USP10: variants seen among roughly 807,000 people sequenced by gnomAD.
The protein encoded by USP10 is ubiquitin carboxyl-terminal hydrolase 10.
Under a neutral mutation model 84.5 loss-of-function variants are expected in USP10, and 22 were observed. The observed-to-expected ratio is 0.26, with a 90% CI of 0.19 to 0.37. USP10 has a LOEUF of 0.37. Among genes scored for constraint, USP10 ranks in the 10% least tolerant of loss-of-function variants. The pLI is 1.00. For synonymous variants in USP10, 454 were observed against 387.6 expected (o/e 1.17, Z -2.01); for missense variants, 1,019 against 998.9 (o/e 1.02, Z -0.27).
At chr16:84,757,109 C>G (rs1912632851) in intron 4 of USP10, among the ~76,000 whole-genome samples, 1 of 152,094 alleles carries the variant, frequency 6.6e-6, no homozygotes, top group South Asian at 2.1e-4. Flanking sequence ...CACAAAGCTT[C>G]TAGCACAGTG....
Position 84,744,713 on chromosome 16 carries a change from A to T in USP10, c.232A>T (p.Ser78Cys), listed in dbSNP as rs1911002768. 1 of 1,613,626 alleles carries T rather than the reference A, an allele frequency of 6.2e-7. No individual in the cohort carries two copies. The highest frequency in any genetic ancestry group is 1.1e-5 in the South Asian group (1 of 91,068). The change falls in exon 4 of 14, where the codon AGT becomes TGT. Residue 78 changes from serine (S) to cysteine (C), a missense_variant. Around this residue, in one of 2 missense-constraint regions of USP10, gnomAD observed 787 missense variants for 708.8 expected, o/e 1.11. Transcript: ENST00000219473. ...CACTTTGCCGAGAACCCCCAGCTAC[A>T]GTATTTCAAGCACACTGAACCCTCA... ...SDTLPRTPSY[S>C]ISSTLNPQAP...
rs993622618 is a variant in USP10 at position 84,744,895 on chromosome 16, T to C, written c.414T>C (p.Asp138=). The change falls in exon 4 of 14, where the codon GAT becomes GAC. Residue 138 remains aspartate (D), a synonymous_variant. Coordinates refer to ENST00000219473, the MANE Select transcript of USP10 (RefSeq NM_005153.3). The stretch of plus-strand genomic sequence containing the variant: ...TGGAGGCGGAAGTTTTGGAAAATGA[T>C]GGTGTCTCAGGTGGTCTTGGACAAA... ...SNVEAEVLEN[D]GVSGGLGQRE... The C allele has an allele frequency of 1.2e-6, 2 of 1,613,778 alleles. No homozygotes were observed. The highest frequency in any genetic ancestry group is 1.3e-5 in the African/African-American group (1 of 75,032).
chr16:84,749,956 G>C (rs1395269755), intron 4 of USP10, among the ~76,000 whole-genome samples: 1 of 152,168 alleles, frequency 6.6e-6, no homozygotes, highest in African/African-American at 2.4e-5. Flanking sequence ...CCAGGGGAGA[G>C]CGTGTGAACT....
At chr16:84,748,458 C>G (rs898922003) in intron 4 of USP10, among the ~76,000 whole-genome samples, 2 of 151,974 alleles carry the variant, frequency 1.3e-5, no homozygotes, top group African/African-American at 4.8e-5. Context: ...TGCCTGGCAC[C>G]ACGCCAGGCT....
At chr16:84,712,805 G>A (rs759022866) in intron 1 of USP10, among the ~76,000 whole-genome samples, 1 of 152,122 alleles carries the variant, frequency 6.6e-6, no homozygotes, top group Non-Finnish European at 1.5e-5. Flanking sequence ...TGACTGACCC[G>A]CACGTCACAT....
chr16:84,733,564 A>G (rs1909517109), intron 2 of USP10, 61 bp downstream of exon 2: 2 of 1,235,582 alleles, frequency 1.6e-6, no homozygotes, highest in South Asian at 1.5e-5. Flanking sequence ...TTATGTTTCT[A>G]TTTTAATTTG....
At chr16:84,730,358 C>T (rs1368170875) in intron 1 of USP10, among the ~76,000 whole-genome samples, 1 of 151,884 alleles carries the variant, frequency 6.6e-6, no homozygotes, top group Non-Finnish European at 1.5e-5. Flanking sequence ...ACCTAAAGTT[C>T]TTCCTCATTT....
chr16:84,745,396 C>T lies in USP10; in HGVS notation c.915C>T (p.His305=). 1.2e-6 allele frequency: 2 copies of T among 1,613,556 alleles called. No individual in the cohort carries two copies. The highest frequency in any genetic ancestry group is 1.7e-6 in the Non-Finnish European group (2 of 1,179,712). The part of the protein sequence containing the change: ...EGTATNGVEL[H]TTESIDLDPT... ...CAGCTACCAACGGGGTGGAGTTGCA[C>T]ACCACGGAAAGCATAGACTTGGACC... The change falls in exon 4 of 14, where the codon CAC becomes CAT. Residue 305 remains histidine, a synonymous_variant. Transcript: ENST00000219473.
rs561090201 is a variant in USP10 at position 84,740,254 on chromosome 16, G to A, written c.91-55G>A. On this transcript the variant is annotated intron_variant, in intron 2 of 13. Transcript: ENST00000219473. The stretch of plus-strand genomic sequence containing the variant: ...AATTGTTGCCTTAATTAAATGGTAA[G>A]CGTTGGTTTTAACATTTTGTTGAAT... 1.5e-5 allele frequency: 22 copies of A among 1,499,892 alleles called. No homozygotes were observed. In the South Asian group the frequency reaches 2.1e-4, roughly 14 times the overall value. The allele number at this position is 1,499,892 out of a possible 1,614,324, so 92.9% of individuals were successfully genotyped here. A position where few individuals can be genotyped will look rare whatever the true frequency, so the allele number is the denominator to read the frequency against.
intron 13 of USP10, among the ~76,000 whole-genome samples, chr16:84,778,471 C>T (rs1351998992): frequency 6.6e-6 from 1 of 152,130 alleles, no homozygotes; most frequent in African/African-American, 2.4e-5. Flanking sequence ...CGTTTTTTCA[C>T]TGTTATAAAT....
At chr16:84,777,604 G>A (rs751130072) in intron 13 of USP10, among the ~76,000 whole-genome samples, 5 of 152,076 alleles carry the variant, frequency 3.3e-5, no homozygotes, top group African/African-American at 7.2e-5. Context: ...AGTCTCCTCC[G>A]GGGTCCCTGC....
rs767691522 is a variant in USP10 at position 84,772,543 on chromosome 16, T to G, written c.2001T>G (p.Val667=). ...QGYTTKTKQE[V]EISRRVTLEK... ...TCCTGGTGTGCTTTGTGTCTTAGGT[T>G]GAGATAAGTCGAAGAGTGACTCTGG... The change falls in exon 12 of 14, where the codon GTT becomes GTG. Residue 667 remains valine, a splice_region_variant and synonymous_variant. Coordinates refer to ENST00000219473, the MANE Select transcript of USP10 (RefSeq NM_005153.3). The G allele has an allele frequency of 7.1e-5, 114 of 1,613,490 alleles. No individual in the cohort carries two copies. Among genetic ancestry groups the G allele is most frequent in the Admixed American group, 1.7e-5 (1 of 59,970 alleles).
At chr16:84,769,106 G>T (rs1441464978) in intron 11 of USP10, among the ~76,000 whole-genome samples, 1 of 152,176 alleles carries the variant, frequency 6.6e-6, no homozygotes, top group Non-Finnish European at 1.5e-5. Context: ...CTGGGGAGAT[G>T]AATGCAGGCT....
chr16:84,741,716 CACAGTTAGTG>C (rs530265548), intron 3 of USP10, among the ~76,000 whole-genome samples: 63 of 152,282 alleles, frequency 4.1e-4, no homozygotes, highest in African/African-American at 1.4e-3. Context: ...CACCAGTTTG[CACAGTTAGTG>C]ACAGGCCTGC....
At chr16:84,763,146 G>T in intron 9 of USP10, 58 bp downstream of exon 9, 1 of 1,089,528 alleles carries the variant, frequency 9.2e-7, no homozygotes, top group South Asian at 1.3e-5. Context: ...AACAGGTGTT[G>T]CATACTCATA....
chr16:84,733,318 G>C, intron 1 of USP10, 117 bp from the exon 2 acceptor site: 1 of 757,492 alleles, frequency 1.3e-6, no homozygotes, highest in Non-Finnish European at 2.2e-6. Context: ...ATTGAGAAAG[G>C]ATCTTGGGGG....
intron 1 of USP10, among the ~76,000 whole-genome samples, chr16:84,711,690 C>G (rs1433031329): frequency 6.7e-6 from 1 of 149,160 alleles, no homozygotes; most frequent in Non-Finnish European, 1.5e-5. Flanking sequence ...CCACCTATAA[C>G]TAGAGTTTTA....
intron 2 of USP10, among the ~76,000 whole-genome samples, chr16:84,735,746 G>A (rs1279017303): frequency 3.3e-5 from 5 of 152,086 alleles, no homozygotes; most frequent in African/African-American, 1.2e-4. Context: ...AGTGTGTGTG[G>A]GCTTATTTGG....
At chr16:84,718,338 CAA>C (rs1316966834) in intron 1 of USP10, among the ~76,000 whole-genome samples, 1 of 152,210 alleles carries the variant, frequency 6.6e-6, no homozygotes, top group Non-Finnish European at 1.5e-5. Flanking sequence ...ACTGCAGCCT[CAA>C]AGTTATTGGC....
Sources: gnomAD v4.1 joint callset for allele counts (sites outside exome capture counted in the v4.1 genomes callset) on GRCh38, gnomAD v4.1.1 for gene constraint, gnomAD v4.1.1 regional missense constraint, MANE v1.5 for transcripts, NCBI Gene and HGNC (gene_info 2026-07-23, HGNC 2026-07-21) for gene names.